Variants in ANO6 observed in about 807,000 individuals in gnomAD.
The protein encoded by ANO6 is anoctamin 6.
Under a neutral mutation model 117.5 loss-of-function variants are expected in ANO6, and 106 were observed. That is an observed-to-expected ratio of 0.90 (90% CI 0.77 to 1.06). The LOEUF is 1.06. Ranked by LOEUF, ANO6 falls within the 50% of genes least tolerant of loss-of-function variation. The probability of loss-of-function intolerance (pLI) is 0.00; values close to 1 mark genes in which losing one functional copy is unlikely to be tolerated. For missense variants in ANO6, 955 were observed against 1,121.1 expected (o/e 0.85, Z 2.12); for synonymous variants, 367 against 385.1 (o/e 0.95, Z 0.55).
intron 10 of ANO6, among the ~76,000 whole-genome samples, chr12:45,379,671 C>T (rs1942119366): frequency 1.3e-5 from 2 of 152,234 alleles, no homozygotes; most frequent in Admixed American, 1.3e-4. Flanking sequence ...CTGATAGCCC[C>T]AATTAAAGAA....
intron 7 of ANO6, among the ~76,000 whole-genome samples, chr12:45,352,736 A>AAAAAAAATTATTT (rs1565712594): frequency 6.6e-6 from 1 of 151,926 alleles, no homozygotes; most frequent in African/African-American, 2.4e-5. Flanking sequence ...CCAAAAAAAA[A>AAAAAAAATTATTT]AAAAAAATTA....
chr12:45,397,465 C>A (rs186151039), intron 12 of ANO6, among the ~76,000 whole-genome samples: 1 of 152,138 alleles, frequency 6.6e-6, no homozygotes, highest in Non-Finnish European at 1.5e-5. Context: ...TACCATTTGA[C>A]CCAGCAATCC....
In ANO6 at chr12:45,238,157, T is replaced by C. The variant is rs565569805; in HGVS notation, c.70+21766T>C. Among the ~76,000 whole-genome samples the C allele has an allele frequency of 4.2e-4, 63 of 148,788 alleles. 1 individual carries two copies. The highest frequency in any genetic ancestry group is 1.2e-3 in the African/African-American group (49 of 40,384). Reference sequence around the variant, plus strand: ...GGGTTTTCTTTTTCTTTTTCTTTTTTTTTTTTTTTTTGAGACAGAGTCTCA... The same window carrying C: ...GGGTTTTCTTTTTCTTTTTCTTTTTCTTTTTTTTTTTGAGACAGAGTCTCA... On this transcript the variant is annotated intron_variant, in intron 1 of 19. Coordinates refer to ENST00000320560, the MANE Select transcript of ANO6 (RefSeq NM_001025356.3).
intron 1 of ANO6, chr12:45,292,541 T>C (rs1184972018): frequency 1.9e-6 from 1 of 531,840 alleles, no homozygotes; most frequent in African/African-American, 2.1e-5. Context: ...GTGAATCTGA[T>C]AGGTTTGCAG....
chr12:45,399,006 A>T (rs1216059115), intron 12 of ANO6, among the ~76,000 whole-genome samples: 1 of 152,058 alleles, frequency 6.6e-6, no homozygotes, highest in Non-Finnish European at 1.5e-5. Context: ...TCCAGGCCTG[A>T]GGTATGGCTC....
At chr12:45,306,228 C>G (rs2137318385) in intron 2 of ANO6, among the ~76,000 whole-genome samples, 1 of 152,248 alleles carries the variant, frequency 6.6e-6, no homozygotes, top group Non-Finnish European at 1.5e-5. Context: ...ATATATAACC[C>G]TACTGACTTT....
intron 3 of ANO6, among the ~76,000 whole-genome samples, chr12:45,337,565 A>G (rs1162072326): frequency 1.3e-5 from 2 of 152,126 alleles, no homozygotes; most frequent in African/African-American, 4.8e-5. Flanking sequence ...ATTAAATAGT[A>G]TTCGATGCTT....
intron 9 of ANO6, among the ~76,000 whole-genome samples, chr12:45,368,353 C>A (rs958921664): frequency 9.9e-5 from 15 of 152,178 alleles, no homozygotes; most frequent in African/African-American, 3.4e-4. Context: ...AACCTGAAAT[C>A]TGTACTTCTG....
chr12:45,292,965 T>A (rs371007180), intron 1 of ANO6: 2 of 1,551,188 alleles, frequency 1.3e-6, no homozygotes, highest in East Asian at 4.9e-5. Context: ...GGTGAGTTGC[T>A]GGAACAGTGA....
chr12:45,433,453 G>A (rs1943671396), downstream of ANO6, among the ~76,000 whole-genome samples: 1 of 152,224 alleles, frequency 6.6e-6, no homozygotes, highest in South Asian at 2.1e-4. Context: ...TCATACTGGG[G>A]TTGGTCAGGA....
chr12:45,226,496 G>A (rs1381622130), intron 1 of ANO6, among the ~76,000 whole-genome samples: 1 of 150,864 alleles, frequency 6.6e-6, no homozygotes, highest in African/African-American at 2.4e-5. Context: ...CAGAACTTTA[G>A]CCTTAGGTCA....
chr12:45,390,427 G>A lies in ANO6; in HGVS notation c.1315G>A (p.Glu439Lys). 6.2e-7 allele frequency: 1 copy of A among 1,613,740 alleles called. No homozygotes were observed. The highest frequency in any genetic ancestry group is 8.5e-7 in the Non-Finnish European group (1 of 1,179,722). The change falls in exon 12 of 20, where the codon GAA becomes AAA. Residue 439 changes from glutamate (E) to lysine (K), a missense_variant. Transcript: ENST00000320560. Reference protein sequence around the residue: ...VVINEITQEEERIPFTAWGKC... With the variant: ...VVINEITQEEKRIPFTAWGKC... ...TTTTTGTTTTTGTAATTAGGAAGAA[G>A]AACGCATTCCCTTTACTGCCTGGGG...
intron 9 of ANO6, among the ~76,000 whole-genome samples, chr12:45,373,408 AT>A (rs1941904352): frequency 6.6e-6 from 1 of 152,046 alleles, no homozygotes; most frequent in African/African-American, 2.4e-5. Context: ...CAGGATATAC[AT>A]TTTTTTCAGC....
At chr12:45,332,420 G>T (rs1012687593) in intron 3 of ANO6, among the ~76,000 whole-genome samples, 2 of 151,768 alleles carry the variant, frequency 1.3e-5, no homozygotes, top group South Asian at 4.2e-4. Flanking sequence ...CAAATCAAGC[G>T]ATAAAACCTT....
chr12:45,218,574 A>G lies in ANO6; in HGVS notation c.70+2183A>G, dbSNP rs375645359. Among the ~76,000 whole-genome samples, 291 of 151,774 alleles carry G rather than the reference A, an allele frequency of 1.9e-3. 1 individual carries two copies. The highest frequency in any genetic ancestry group is 6.6e-3 in the African/African-American group (272 of 41,402). On this transcript the variant is annotated intron_variant, in intron 1 of 19. Transcript: ENST00000320560. ...TCCACCTAGTTGGTTGTTTTTTTGG[A>G]AGTACAAATTTAATGTGGGTTGTAG... is the stretch of plus-strand genomic sequence containing the variant.
rs551517877 is a variant in ANO6 at position 45,255,818 on chromosome 12, G to GTTTTTTTTTTTTTTTT, written c.70+39432_70+39447dup. 2.4e-4 allele frequency among the ~76,000 whole-genome samples: 20 copies of GTTTTTTTTTTTTTTTT among 81,692 alleles called. No individual in the cohort carries two copies. In the South Asian group the frequency reaches 5.6e-3, roughly 23 times the overall value. 53.6% of individuals were successfully genotyped at this position (81,692 alleles called of 152,430 possible). A position where few individuals can be genotyped will look rare whatever the true frequency, so the allele number is the denominator to read the frequency against. ...CTGGCCCCAGGTTTTCTCCCTGGGT[G>GTTTTTTTTTTTTTTTT]TTTTTTTTTTTTTTTTTTTTGAGAC... On this transcript the variant is annotated intron_variant, in intron 1 of 19. Coordinates refer to ENST00000320560, the MANE Select transcript of ANO6 (RefSeq NM_001025356.3).
chr12:45,350,846 G>C, intron 7 of ANO6, 72 bp downstream of exon 7: 1 of 1,273,708 alleles, frequency 7.9e-7, no homozygotes, highest in Non-Finnish European at 1.1e-6. Context: ...GAATGTGACA[G>C]TACTCATCAA....
chr12:45,334,228 G>A (rs1252033293), intron 3 of ANO6, among the ~76,000 whole-genome samples: 4 of 152,024 alleles, frequency 2.6e-5, no homozygotes, highest in Non-Finnish European at 5.9e-5. Context: ...GTCTGTACTG[G>A]GCTTGGCACA....
chr12:45,434,889 CCCTT>C (rs1312755211), downstream of ANO6, among the ~76,000 whole-genome samples: 3 of 152,200 alleles, frequency 2.0e-5, no homozygotes, highest in Non-Finnish European at 2.9e-5. Context: ...TAAACACTCA[CCCTT>C]CATTAATAAT....
Sources: allele counts gnomAD v4.1 joint callset (sites outside exome capture counted in the v4.1 genomes callset), GRCh38; gene constraint gnomAD v4.1.1; transcripts MANE v1.5; gene names NCBI Gene and HGNC (gene_info 2026-07-23, HGNC 2026-07-21).